Variants in BTRC observed in about 807,000 individuals in gnomAD.
BTRC encodes F-box/WD repeat-containing protein 1A.
Under a neutral mutation model 85.5 loss-of-function variants are expected in BTRC, and 42 were observed. The observed-to-expected ratio is 0.49, with a 90% CI of 0.38 to 0.64. The LOEUF (loss-of-function observed/expected upper bound fraction) is 0.64. Ranked by LOEUF, BTRC falls within the 30% of genes least tolerant of loss-of-function variation. The probability of loss-of-function intolerance (pLI) is 0.00; values close to 1 mark genes in which losing one functional copy is unlikely to be tolerated. For synonymous variants in BTRC, 255 were observed against 263.3 expected, an observed-to-expected ratio of 0.97 and a Z score of 0.30; for missense variants, 594 against 743.5, an observed-to-expected ratio of 0.80 and a Z score of 2.34.
chr10:101,547,641 G>A (rs2062580197), intron 13 of BTRC, among the ~76,000 whole-genome samples: 1 of 151,986 alleles, frequency 6.6e-6, no homozygotes, highest in Non-Finnish European at 1.5e-5. Context: ...ACCCGGCCAT[G>A]TATGGTCTTA....
intron 2 of BTRC, among the ~76,000 whole-genome samples, chr10:101,435,788 G>C (rs1944513322): frequency 6.6e-6 from 1 of 151,986 alleles, no homozygotes; most frequent in Admixed American, 6.6e-5. Flanking sequence ...TCTTCAAAGT[G>C]GTTGTCACAG....
At position 101,479,407 on chromosome 10, in the gene BTRC, A is replaced by G. The variant is rs1945779211; in HGVS notation, c.274A>G (p.Thr92Ala). 6.2e-7 allele frequency: 1 copy of G among 1,613,482 alleles called. No homozygotes were observed. Among genetic ancestry groups the G allele is most frequent in the East Asian group, 2.2e-5 (1 of 44,814 alleles). ...SCARLCLNQE[T>A]VCLASTAMKT... ...TGCCAGACTCTGCTTAAACCAAGAAACAGTATGTTTAGCAAGCACTGCTAT... is the reference window on the plus strand; with the variant it reads ...TGCCAGACTCTGCTTAAACCAAGAAGCAGTATGTTTAGCAAGCACTGCTAT... The change falls in exon 4 of 15, where the codon ACA becomes GCA. Residue 92 changes from threonine (T) to alanine (A), a missense_variant. Thr to Ala is a moderately conservative substitution (Grantham distance 58, BLOSUM62 0). This residue lies in a region of BTRC where 163 missense variants were observed against 180.5 expected (regional missense o/e 0.90). Transcript: ENST00000370187.
chr10:101,464,793 A>G (rs1589503602), intron 3 of BTRC, among the ~76,000 whole-genome samples: 2 of 152,204 alleles, frequency 1.3e-5, no homozygotes, highest in African/African-American at 4.8e-5. Context: ...TAGCAGCCCC[A>G]TGAATGCAGA....
At chr10:101,383,181 A>C (rs1942981424) in intron 1 of BTRC, among the ~76,000 whole-genome samples, 1 of 149,372 alleles carries the variant, frequency 6.7e-6, no homozygotes, top group Non-Finnish European at 1.5e-5. Flanking sequence ...CTCCCACCTC[A>C]GCCTCCTTAG....
intron 1 of BTRC, among the ~76,000 whole-genome samples, chr10:101,381,800 C>T (rs2088217184): frequency 6.6e-6 from 1 of 151,840 alleles, no homozygotes; most frequent in African/African-American, 2.4e-5. Context: ...GAGTTGCAGA[C>T]ATGATATTTT....
intron 4 of BTRC, among the ~76,000 whole-genome samples, chr10:101,488,041 C>T (rs1269856917): frequency 1.3e-5 from 2 of 152,132 alleles, no homozygotes; most frequent in Non-Finnish European, 2.9e-5. Flanking sequence ...TACCAGCATA[C>T]TTTCTTTGGC....
chr10:101,372,258 C>CTT (rs1431592264), intron 1 of BTRC, among the ~76,000 whole-genome samples: 1 of 150,388 alleles, frequency 6.6e-6, no homozygotes, highest in Non-Finnish European at 1.5e-5. Flanking sequence ...TTTTCTTTTT[C>CTT]TTTTTCTTTT....
chr10:101,540,344 A>AAT, intron 13 of BTRC, among the ~76,000 whole-genome samples: 1 of 150,966 alleles, frequency 6.6e-6, no homozygotes, highest in Middle Eastern at 3.4e-3. Context: ...TTTACACATG[A>AAT]ATATCCAGTT....
At chr10:101,528,309 G>A (rs2062230643) in intron 6 of BTRC, among the ~76,000 whole-genome samples, 1 of 152,180 alleles carries the variant, frequency 6.6e-6, no homozygotes, top group Non-Finnish European at 1.5e-5. Flanking sequence ...AAATGCCAAA[G>A]GTAAAAGGCT....
At chr10:101,550,997 T>G in intron 14 of BTRC, 106 bp downstream of exon 14, 1 of 1,054,228 alleles carries the variant, frequency 9.5e-7, no homozygotes, top group Non-Finnish European at 1.3e-6. Flanking sequence ...GGTCACCAAC[T>G]CCTGTAAAGC....
At chr10:101,369,966 C>T (rs889028880) in intron 1 of BTRC, among the ~76,000 whole-genome samples, 28 of 152,192 alleles carry the variant, frequency 1.8e-4, no homozygotes, top group Non-Finnish European at 3.2e-4. Flanking sequence ...GGCTCCAAAA[C>T]CCCATGTCAG....
intron 1 of BTRC, among the ~76,000 whole-genome samples, chr10:101,392,701 C>CAT (rs1309756113): frequency 2.6e-5 from 4 of 151,900 alleles, no homozygotes; most frequent in Non-Finnish European, 5.9e-5. Context: ...AGGGTTTCAC[C>CAT]ATAGTAGAGA....
rs1210696674 is a variant in BTRC, at chr10:101,398,531, CTGACCTCGTGATCTGCCTGCCT to C, written c.49-31806_49-31785del. On this transcript the variant is annotated intron_variant, in intron 1 of 14. Coordinates refer to ENST00000370187, the MANE Select transcript of BTRC (RefSeq NM_033637.4). ...TGTTAGCCAGGATGTTCTCAATCTC[CTGACCTCGTGATCTGCCTGCCT>C]TGACCTCCCAAAGTGCTGGGATTAT... Among the ~76,000 whole-genome samples the C allele has an allele frequency of 4.6e-5, 7 of 152,238 alleles. No individual in the cohort carries two copies. The East Asian group carries it at 1.4e-3, about 29-fold the overall frequency.
intron 1 of BTRC, among the ~76,000 whole-genome samples, chr10:101,361,376 G>T: frequency 6.6e-6 from 1 of 152,230 alleles, no homozygotes; most frequent in Non-Finnish European, 1.5e-5. Flanking sequence ...TAAGTGCTGG[G>T]ATTACAGGCA....
intron 1 of BTRC, among the ~76,000 whole-genome samples, chr10:101,418,691 C>T (rs1047031245): frequency 6.6e-6 from 1 of 151,464 alleles, no homozygotes; most frequent in Non-Finnish European, 1.5e-5. Flanking sequence ...AATTGGCAAA[C>T]AAAAATTATT....
At chr10:101,442,290 G>GTGTGTA (rs1430494803) in intron 2 of BTRC, among the ~76,000 whole-genome samples, 1 of 140,058 alleles carries the variant, frequency 7.1e-6, no homozygotes, top group African/African-American at 2.7e-5. Context: ...CTCTGTCTCT[G>GTGTGTA]TGTGTATGTG....
At chr10:101,452,789 G>A (rs1212822625) in intron 2 of BTRC, among the ~76,000 whole-genome samples, 2 of 152,200 alleles carry the variant, frequency 1.3e-5, no homozygotes, top group African/African-American at 2.4e-5. Context: ...AGGCCTTGAT[G>A]TGGTTGTGGT....
At position 101,536,672 on chromosome 10, in the gene BTRC, T is replaced by C. The variant is rs774240875; in HGVS notation, c.1577+19T>C. On this transcript the variant is annotated intron_variant, in intron 12 of 14. Transcript: ENST00000370187. ...ATGATGGGTGAGTGTGCTAACAGAG[T>C]GTAAAAAAGAGAAAATCTACGTCTT... 6.4e-7 allele frequency: 1 copy of C among 1,556,404 alleles called. No homozygotes were observed. Among genetic ancestry groups the C allele is most frequent in the Non-Finnish European group, 8.8e-7 (1 of 1,130,052 alleles).
chr10:101,546,327 A>G (rs1433917969), intron 13 of BTRC, among the ~76,000 whole-genome samples: 1 of 152,248 alleles, frequency 6.6e-6, no homozygotes, highest in African/African-American at 2.4e-5. Flanking sequence ...AAAAATCCCA[A>G]AATATGTGGA....
Sources: gnomAD v4.1 joint callset for allele counts (sites outside exome capture counted in the v4.1 genomes callset) on GRCh38, gnomAD v4.1.1 for gene constraint, gnomAD v4.1.1 regional missense constraint, MANE v1.5 for transcripts, NCBI Gene and HGNC (gene_info 2026-07-23, HGNC 2026-07-21) for gene names.